ZC3H13: variants seen among roughly 807,000 people sequenced by gnomAD.
ZC3H13 encodes zinc finger CCCH domain-containing protein 13.
In ZC3H13, 64 loss-of-function variants were observed where a neutral mutation model predicts 204.1. The observed-to-expected ratio is 0.31, with a 90% CI of 0.26 to 0.39. ZC3H13 has a LOEUF of 0.39. Ranked by LOEUF, ZC3H13 falls within the 10% of genes least tolerant of loss-of-function variation. The pLI is 1.00. For synonymous variants in ZC3H13, 667 were observed against 693.7 expected, an observed-to-expected ratio of 0.96 and a Z score of 0.60; for missense variants, 1,833 against 2,082.7, an observed-to-expected ratio of 0.88 and a Z score of 2.33.
At chr13:45,996,100 A>C (rs984526796) in intron 8 of ZC3H13, among the ~76,000 whole-genome samples, 2 of 152,234 alleles carry the variant, frequency 1.3e-5, no homozygotes, top group Non-Finnish European at 2.9e-5. Flanking sequence ...TTATCCAAGA[A>C]GATTTTGTGT....
chr13:46,049,342 G>GAT (rs148827337), intron 1 of ZC3H13, among the ~76,000 whole-genome samples: 26 of 151,850 alleles, frequency 1.7e-4, no homozygotes, highest in African/African-American at 2.9e-4. Flanking sequence ...TCTTTAATGT[G>GAT]ATATATATAT....
chr13:45,971,626 T>C (rs1593482277), intron 12 of ZC3H13, among the ~76,000 whole-genome samples: 1 of 152,118 alleles, frequency 6.6e-6, no homozygotes, highest in Non-Finnish European at 1.5e-5. Flanking sequence ...GCCAAGATTC[T>C]AAAAGCAAAC....
intron 4 of ZC3H13, among the ~76,000 whole-genome samples, chr13:46,031,741 C>T (rs2042912308): frequency 6.6e-6 from 1 of 152,190 alleles, no homozygotes; most frequent in African/African-American, 2.4e-5. Context: ...CACTACACAC[C>T]TATCTGAATA....
At chr13:46,032,765 G>A (rs762776576) in intron 4 of ZC3H13, among the ~76,000 whole-genome samples, 1 of 152,050 alleles carries the variant, frequency 6.6e-6, no homozygotes, top group Non-Finnish European at 1.5e-5. Flanking sequence ...ATAGAAGACT[G>A]GTTGAATAAT....
chr13:45,999,568 T>G (rs1438648477), intron 8 of ZC3H13, among the ~76,000 whole-genome samples: 1 of 152,272 alleles, frequency 6.6e-6, no homozygotes, highest in Non-Finnish European at 1.5e-5. Flanking sequence ...ATTCTAGTTC[T>G]CTTGCTATTT....
intron 9 of ZC3H13, among the ~76,000 whole-genome samples, chr13:45,987,802 CAGG>C (rs1238967770): frequency 4.6e-5 from 7 of 152,200 alleles, no homozygotes; most frequent in Non-Finnish European, 8.8e-5. Context: ...AAAATGAACA[CAGG>C]AGAAGTTAGA....
intron 1 of ZC3H13, among the ~76,000 whole-genome samples, chr13:46,049,116 C>A (rs986481191): frequency 3.4e-5 from 5 of 147,212 alleles, no homozygotes; most frequent in African/African-American, 1.3e-4. Flanking sequence ...CGCGCCACTG[C>A]ACTCCAACCT....
intron 1 of ZC3H13, among the ~76,000 whole-genome samples, chr13:46,050,694 T>C (rs2044341022): frequency 6.6e-6 from 1 of 152,152 alleles, no homozygotes; most frequent in Non-Finnish European, 1.5e-5. Context: ...AACTTTCAGA[T>C]TGCTTCCGTA....
chr13:45,960,109 A>G (rs896888380), intron 17 of ZC3H13, among the ~76,000 whole-genome samples: 7 of 151,536 alleles, frequency 4.6e-5, no homozygotes, highest in South Asian at 2.1e-4. Flanking sequence ...ACACCACCAC[A>G]CCTGGCTAAT....
chr13:45,974,024 C>CTA (rs1211115634), intron 12 of ZC3H13, among the ~76,000 whole-genome samples: 4 of 152,196 alleles, frequency 2.6e-5, no homozygotes, highest in African/African-American at 9.6e-5. Context: ...TGAAAAAAGC[C>CTA]TAAAGCAGGG....
At position 45,963,975 on chromosome 13, in the gene ZC3H13, C is replaced by T. The variant is rs559353865; in HGVS notation, c.4542G>A (p.Glu1514=). 6.2e-7 allele frequency: 1 copy of T among 1,614,144 alleles called. No individual in the cohort carries two copies. Among genetic ancestry groups the T allele is most frequent in the Non-Finnish European group, 8.5e-7 (1 of 1,180,000 alleles). Residue 1514 remains glutamate (E), a synonymous_variant, in exon 17 of 19, where the codon GAG becomes GAA. Transcript: ENST00000679008. The stretch of plus-strand genomic sequence containing the variant: ...TGAATTTTAAGAGTGCAGCCCCAGG[C>T]TCTCGTGGTTCTTTTGGATGCTTTG... The part of the protein sequence containing the change: ...LMPKHPKEPR[E]PGAALLKFTP...
intron 8 of ZC3H13, among the ~76,000 whole-genome samples, chr13:45,989,999 T>G (rs2039857624): frequency 6.6e-6 from 1 of 152,270 alleles, no homozygotes; most frequent in African/African-American, 2.4e-5. Flanking sequence ...AAAGTATTTC[T>G]GTAATTATCT....
At chr13:45,989,416 A>G (rs573384902) in intron 8 of ZC3H13, among the ~76,000 whole-genome samples, 1 of 152,232 alleles carries the variant, frequency 6.6e-6, no homozygotes, top group Non-Finnish European at 1.5e-5. Flanking sequence ...ATAATCTCTG[A>G]AAGTGTGAAC....
chr13:46,015,440 CT>C (rs1479437579), intron 5 of ZC3H13, among the ~76,000 whole-genome samples: 1 of 152,050 alleles, frequency 6.6e-6, no homozygotes, highest in African/African-American at 2.4e-5. Flanking sequence ...ACCATTTCAT[CT>C]GTTTTTAACT....
intron 10 of ZC3H13, among the ~76,000 whole-genome samples, chr13:45,983,219 C>G (rs756095954): frequency 4.6e-5 from 7 of 151,390 alleles, no homozygotes; most frequent in Non-Finnish European, 7.4e-5. Context: ...TAAGAGTTAA[C>G]AAATACATAT....
chr13:45,992,576 A>T (rs1386735990), intron 8 of ZC3H13, among the ~76,000 whole-genome samples: 1 of 152,182 alleles, frequency 6.6e-6, no homozygotes, highest in East Asian at 1.9e-4. Flanking sequence ...TCAAGGTCTC[A>T]TGGCCAAGGT....
chr13:46,033,332 A>T (rs1052894064), intron 4 of ZC3H13, among the ~76,000 whole-genome samples: 1 of 152,230 alleles, frequency 6.6e-6, no homozygotes, highest in Admixed American at 6.5e-5. Flanking sequence ...AGATTTAACA[A>T]TATTATCTTA....
chr13:45,969,281 G>T lies in ZC3H13; in HGVS notation c.3263C>A (p.Thr1088Lys), dbSNP rs141717640. 6.2e-7 allele frequency: 1 copy of T among 1,613,886 alleles called. No homozygotes were observed. The highest frequency in any genetic ancestry group is 2.2e-5 in the East Asian group (1 of 44,886). ...VTEAEHTATA[T>K]TPGSTPSPLS... ...AGGAGAAGGGGTACTACCAGGAGTCGTGGCGGTGGCAGTATGCTCTGCTTC... is the reference window on the plus strand; with the variant it reads ...AGGAGAAGGGGTACTACCAGGAGTCTTGGCGGTGGCAGTATGCTCTGCTTC... The change falls in exon 14 of 19, where the codon ACG becomes AAG. Residue 1088 changes from threonine (T) to lysine (K), a missense_variant. Transcript: ENST00000679008.
chr13:45,963,762 T>C (rs1951862076), intron 17 of ZC3H13, 80 bp downstream of exon 17: 1 of 1,591,796 alleles, frequency 6.3e-7, no homozygotes, highest in Non-Finnish European at 8.5e-7. Flanking sequence ...AAGTGCTACA[T>C]AAGAACAGAT....
Sources: allele counts gnomAD v4.1 joint callset (sites outside exome capture counted in the v4.1 genomes callset), GRCh38; gene constraint gnomAD v4.1.1; transcripts MANE v1.5; gene names NCBI Gene and HGNC (gene_info 2026-07-23, HGNC 2026-07-21).